EPB41L3: variants seen among roughly 807,000 people sequenced by gnomAD.
EPB41L3 encodes erythrocyte membrane protein band 4.1 like 3.
In EPB41L3, 57 loss-of-function variants were observed where a neutral mutation model predicts 127.1. The observed-to-expected ratio is 0.45, with a 90% CI of 0.36 to 0.56. EPB41L3 has a LOEUF of 0.56. EPB41L3 is among the 20% of genes least tolerant of loss of function. The pLI, the probability that EPB41L3 is intolerant of heterozygous loss-of-function variation, is 0.00. For missense variants in EPB41L3, 1,273 were observed against 1,372.2 expected (o/e 0.93, Z 1.14); for synonymous variants, 572 against 549.5 (o/e 1.04, Z -0.57).
chr18:5,578,106 G>T (rs975321983), intron 3 of EPB41L3, among the ~76,000 whole-genome samples: 2 of 152,180 alleles, frequency 1.3e-5, no homozygotes, highest in Non-Finnish European at 2.9e-5. Context: ...CCAGGGTTGG[G>T]GGGGTGGCGG....
chr18:5,471,543 G>GA (rs2086142799), intron 3 of EPB41L3, among the ~76,000 whole-genome samples: 1 of 152,202 alleles, frequency 6.6e-6, no homozygotes, highest in Admixed American at 6.5e-5. Flanking sequence ...TTGGAAGACT[G>GA]CTTTCCGCAT....
At chr18:5,617,405 G>A (rs1029422713) in intron 1 of EPB41L3, among the ~76,000 whole-genome samples, 8 of 150,306 alleles carry the variant, frequency 5.3e-5, no homozygotes, top group South Asian at 4.2e-4. Context: ...TGCAAGCTCC[G>A]CCTCCCAGGT....
At chr18:5,449,499 C>T (rs143855014) in intron 3 of EPB41L3, among the ~76,000 whole-genome samples, 20 of 152,270 alleles carry the variant, frequency 1.3e-4, no homozygotes, top group African/African-American at 4.6e-4. Flanking sequence ...GAGTTGAAAA[C>T]GTATGTCCAC....
At chr18:5,465,630 A>G (rs1452001075) in intron 3 of EPB41L3, among the ~76,000 whole-genome samples, 1 of 152,136 alleles carries the variant, frequency 6.6e-6, no homozygotes, top group African/African-American at 2.4e-5. Context: ...TGCAGACCCA[A>G]AAAAGGTCCC....
intron 5 of EPB41L3, among the ~76,000 whole-genome samples, chr18:5,439,456 T>C (rs1334922871): frequency 1.3e-5 from 2 of 152,194 alleles, no homozygotes; most frequent in African/African-American, 4.8e-5. Flanking sequence ...CTTAGCTTCA[T>C]CAGTTTCTTA....
intron 3 of EPB41L3, among the ~76,000 whole-genome samples, chr18:5,469,866 C>A (rs1363882638): frequency 6.6e-6 from 1 of 151,582 alleles, no homozygotes; most frequent in Non-Finnish European, 1.5e-5. Flanking sequence ...CTCTGCCTCC[C>A]GGGTCCCGGT....
At chr18:5,479,297 C>T (rs538327007) in intron 2 of EPB41L3, among the ~76,000 whole-genome samples, 1 of 152,324 alleles carries the variant, frequency 6.6e-6, no homozygotes, top group East Asian at 1.9e-4. Flanking sequence ...TGCCACTAGT[C>T]TGCAAATATG....
chr18:5,394,878 A>G (rs2073088589), intron 21 of EPB41L3, 85 bp from the exon 22 acceptor site: 1 of 1,293,792 alleles, frequency 7.7e-7, no homozygotes, highest in African/African-American at 1.5e-5. Flanking sequence ...CTTATGAGCT[A>G]GATCTATATC....
At chr18:5,450,167 G>T (rs1436586528) in intron 3 of EPB41L3, among the ~76,000 whole-genome samples, 1 of 152,080 alleles carries the variant, frequency 6.6e-6, no homozygotes, top group Non-Finnish European at 1.5e-5. Context: ...ACCAATGGTT[G>T]CTAAGGGTTT....
chr18:5,394,592 G>T, intron 22 of EPB41L3, 85 bp downstream of exon 22: 1 of 953,898 alleles, frequency 1.0e-6, no homozygotes. Context: ...CAGAGGAAAG[G>T]AGGGATCAGG....
intron 3 of EPB41L3, among the ~76,000 whole-genome samples, chr18:5,579,423 G>T (rs902406011): frequency 1.3e-5 from 2 of 152,170 alleles, no homozygotes; most frequent in Non-Finnish European, 2.9e-5. Flanking sequence ...AGGAAACACC[G>T]ATGAATACAT....
chr18:5,512,846 C>T (rs887928855), intron 1 of EPB41L3, among the ~76,000 whole-genome samples: 17 of 152,122 alleles, frequency 1.1e-4, no homozygotes, highest in Admixed American at 7.2e-4. Flanking sequence ...GCTCTGCAAA[C>T]GTAGACTTAG....
At chr18:5,521,231 CTG>C (rs1208123955) in intron 1 of EPB41L3, 1 of 152,190 alleles carries the variant, frequency 6.6e-6, no homozygotes, top group Admixed American at 6.5e-5. Context: ...TTAGCTAACT[CTG>C]AATATACGTC....
At chr18:5,407,970 T>G (rs2075686241) in intron 14 of EPB41L3, among the ~76,000 whole-genome samples, 1 of 152,230 alleles carries the variant, frequency 6.6e-6, no homozygotes, top group African/African-American at 2.4e-5. Flanking sequence ...CTTTGGCATT[T>G]TGACCAGCAG....
At chr18:5,477,805 A>C (rs950890112) in intron 3 of EPB41L3, among the ~76,000 whole-genome samples, 6 of 152,196 alleles carry the variant, frequency 3.9e-5, no homozygotes, top group African/African-American at 1.2e-4. Context: ...AAGCAAGAAA[A>C]GGTCATGGAC....
At chr18:5,439,868 T>C (rs1357860571) in intron 5 of EPB41L3, among the ~76,000 whole-genome samples, 2 of 152,376 alleles carry the variant, frequency 1.3e-5, no homozygotes, top group Non-Finnish European at 1.5e-5. Flanking sequence ...GGATTAGTTA[T>C]GGGAAATGGA....
At chr18:5,415,600 C>T (rs1010665542) in intron 13 of EPB41L3, among the ~76,000 whole-genome samples, 5 of 152,176 alleles carry the variant, frequency 3.3e-5, no homozygotes, top group African/African-American at 9.7e-5. Flanking sequence ...GGTAGCAGAA[C>T]GATTCCGGGT....
intron 3 of EPB41L3, among the ~76,000 whole-genome samples, chr18:5,579,267 A>T (rs920927016): frequency 6.6e-6 from 1 of 152,196 alleles, no homozygotes; most frequent in Non-Finnish European, 1.5e-5. Context: ...GCCAGACAGG[A>T]TGCTGTCTCT....
chr18:5,566,896 C>T lies in EPB41L3; in HGVS notation c.-306+45444G>A, dbSNP rs570622917. On this transcript the variant is annotated intron_variant, in intron 3 of 21. Transcript: ENST00000545076. ...CAACGGCTCACTGCAACCTCTGCCTCCCGGGTTCAAGCAATTCTCCTGCCT... is the reference window on the plus strand; with the variant it reads ...CAACGGCTCACTGCAACCTCTGCCTTCCGGGTTCAAGCAATTCTCCTGCCT... Among the ~76,000 whole-genome samples, 5 of 151,934 alleles carry T rather than the reference C, an allele frequency of 3.3e-5. No homozygotes were observed. The South Asian group carries it at 1.0e-3, about 32-fold the overall frequency.
Sources: gnomAD v4.1 joint callset for allele counts (sites outside exome capture counted in the v4.1 genomes callset) on GRCh38, gnomAD v4.1.1 for gene constraint, MANE v1.5 for transcripts, NCBI Gene and HGNC (gene_info 2026-07-23, HGNC 2026-07-21) for gene names.